Variants in ERBB4 observed in about 807,000 individuals in gnomAD.
ERBB4 encodes the protein receptor tyrosine-protein kinase erbB-4.
ERBB4 carries 42 observed loss-of-function variants against 158.0 expected under a neutral mutation model. The ratio of observed to expected loss-of-function variants is 0.27; its 90% confidence interval spans 0.21 to 0.34. The LOEUF (loss-of-function observed/expected upper bound fraction) is 0.34, where lower values mean the gene tolerates loss of function less well. Ranked by LOEUF, ERBB4 falls within the 10% of genes least tolerant of loss-of-function variation. ERBB4 has a pLI of 1.00. For synonymous variants in ERBB4, 583 were observed against 558.7 expected (o/e 1.04, Z -0.61); for missense variants, 1,333 against 1,624.1 (o/e 0.82, Z 3.08).
At chr2:211,967,285 T>C (rs2081334100) in intron 2 of ERBB4, among the ~76,000 whole-genome samples, 1 of 152,094 alleles carries the variant, frequency 6.6e-6, no homozygotes, top group Admixed American at 6.6e-5. Context: ...ACCAAAAATC[T>C]CTCTAAAACC....
At position 212,322,002 on chromosome 2, in the gene ERBB4, G is replaced by C. The variant is rs188998198; in HGVS notation, c.83-197099C>G. On this transcript the variant is annotated intron_variant, in intron 1 of 27. Coordinates refer to ENST00000342788, the MANE Select transcript of ERBB4 (RefSeq NM_005235.3). Reference sequence around the variant, plus strand: ...AATAGAGAATAATACGATTTTGTTGGTACAATGCAAGTTTATAGATTTCAC... The same window carrying C: ...AATAGAGAATAATACGATTTTGTTGCTACAATGCAAGTTTATAGATTTCAC... Among the ~76,000 whole-genome samples, 4 of 150,322 alleles carry C rather than the reference G, an allele frequency of 2.7e-5. No individual in the cohort carries two copies. The South Asian group carries it at 6.4e-4, about 24-fold the overall frequency.
At chr2:211,854,370 T>A (rs544350857) in intron 3 of ERBB4, among the ~76,000 whole-genome samples, 5 of 152,200 alleles carry the variant, frequency 3.3e-5, no homozygotes, top group South Asian at 4.1e-4. Context: ...ATCAGAAATA[T>A]GTTCATCAAT....
intron 1 of ERBB4, among the ~76,000 whole-genome samples, chr2:212,451,596 T>G (rs73989006): frequency 0.057 from 8,614 of 152,254 alleles, 540 homozygotes; most frequent in African/African-American, 0.15. Flanking sequence ...GTATTAAAAT[T>G]GACACACACC....
At chr2:211,419,436 G>T (rs2063465687) in intron 25 of ERBB4, among the ~76,000 whole-genome samples, 1 of 151,998 alleles carries the variant, frequency 6.6e-6, no homozygotes, top group Non-Finnish European at 1.5e-5. Context: ...TATGGCTATG[G>T]TCAAGAGAAA....
chr2:211,977,530 T>TAAAAAAAAAAAAAA (rs1394107563), intron 2 of ERBB4, among the ~76,000 whole-genome samples: 4 of 6,690 alleles, frequency 6.0e-4, no homozygotes, highest in South Asian at 5.3e-3. Flanking sequence ...GATATTGACT[T>TAAAAAAAAAAAAAA]TAAAAAAAAA....
intron 1 of ERBB4, among the ~76,000 whole-genome samples, chr2:212,149,177 A>C (rs993080422): frequency 4.6e-5 from 7 of 151,538 alleles, no homozygotes; most frequent in African/African-American, 1.7e-4. Context: ...ATTAAAAAAA[A>C]ATTTTAAAAA....
At chr2:212,337,737 T>A (rs1574714403) in intron 1 of ERBB4, among the ~76,000 whole-genome samples, 1 of 152,098 alleles carries the variant, frequency 6.6e-6, no homozygotes, top group South Asian at 2.1e-4. Flanking sequence ...AGTTTCAACA[T>A]CAATCCACTC....
chr2:212,206,522 G>A (rs950589932), intron 1 of ERBB4, among the ~76,000 whole-genome samples: 1 of 151,098 alleles, frequency 6.6e-6, no homozygotes, highest in Non-Finnish European at 1.5e-5. Flanking sequence ...TAAAAAACTA[G>A]GGATAGCTTA....
chr2:211,955,041 T>C (rs974799095), intron 2 of ERBB4, among the ~76,000 whole-genome samples: 2 of 151,986 alleles, frequency 1.3e-5, no homozygotes, highest in Admixed American at 6.6e-5. Flanking sequence ...CTCATTTAAT[T>C]AGATTTGAAA....
intron 1 of ERBB4, among the ~76,000 whole-genome samples, chr2:212,399,376 C>T (rs2106457933): frequency 6.6e-6 from 1 of 151,808 alleles, no homozygotes; most frequent in Admixed American, 6.6e-5. Flanking sequence ...TATTGTTCTA[C>T]AGTCCAACTG....
At chr2:211,621,176 T>G (rs987264468) in intron 18 of ERBB4, among the ~76,000 whole-genome samples, 7 of 152,000 alleles carry the variant, frequency 4.6e-5, no homozygotes, top group African/African-American at 1.7e-4. Context: ...TATTTTATAC[T>G]TCTTTTTAAA....
intron 1 of ERBB4, among the ~76,000 whole-genome samples, chr2:212,130,532 C>T (rs868163724): frequency 1.3e-5 from 2 of 151,976 alleles, no homozygotes; most frequent in Admixed American, 6.6e-5. Flanking sequence ...ATAATGAAAC[C>T]TTAACAATAT....
intron 1 of ERBB4, among the ~76,000 whole-genome samples, chr2:212,310,046 C>T (rs1001868890): frequency 6.6e-6 from 1 of 150,450 alleles, no homozygotes; most frequent in African/African-American, 2.4e-5. Flanking sequence ...GAAATAGATG[C>T]ATTTTTCTAA....
chr2:211,701,159 T>C (rs1300673130), intron 12 of ERBB4, among the ~76,000 whole-genome samples: 2 of 152,190 alleles, frequency 1.3e-5, no homozygotes, highest in Non-Finnish European at 2.9e-5. Flanking sequence ...CATGTCTACA[T>C]AAATGCATTA....
At chr2:211,575,088 G>A (rs925426035) in intron 19 of ERBB4, among the ~76,000 whole-genome samples, 37 of 152,294 alleles carry the variant, frequency 2.4e-4, no homozygotes, top group African/African-American at 8.9e-4. Context: ...AAGTAGCCAA[G>A]CTGAGATTTG....
chr2:211,859,472 T>C (rs1418679193), intron 3 of ERBB4, among the ~76,000 whole-genome samples: 3 of 152,192 alleles, frequency 2.0e-5, no homozygotes, highest in Admixed American at 2.0e-4. Flanking sequence ...TTTTATAAGC[T>C]TAGATAGTAA....
chr2:211,643,124 C>T lies in ERBB4; in HGVS notation c.1947-12530G>A, dbSNP rs1052539462. On this transcript the variant is annotated intron_variant, in intron 16 of 27. Coordinates refer to ENST00000342788, the MANE Select transcript of ERBB4 (RefSeq NM_005235.3). Reference sequence around the variant, plus strand: ...TTCCTACTCCATTACCCCTAACACACTAGTGATTTTTAAAACGTTAAGTAA... The same window carrying T: ...TTCCTACTCCATTACCCCTAACACATTAGTGATTTTTAAAACGTTAAGTAA... 4.6e-5 allele frequency among the ~76,000 whole-genome samples: 7 copies of T among 152,120 alleles called. 1 individual carries two copies. The highest frequency in any genetic ancestry group is 1.7e-4 in the African/African-American group (7 of 41,444).
At chr2:211,946,312 T>C (rs1257472166) in intron 3 of ERBB4, among the ~76,000 whole-genome samples, 6 of 152,030 alleles carry the variant, frequency 3.9e-5, no homozygotes, top group Non-Finnish European at 7.4e-5. Flanking sequence ...ACTAGAAATT[T>C]AATATCCACT....
intron 2 of ERBB4, among the ~76,000 whole-genome samples, chr2:212,039,512 A>T (rs1427663123): frequency 6.6e-6 from 1 of 152,168 alleles, no homozygotes; most frequent in Non-Finnish European, 1.5e-5. Context: ...AGAAAGTCAC[A>T]ACATAATTTC....
Sources: gnomAD v4.1 joint callset for allele counts (sites outside exome capture counted in the v4.1 genomes callset) on GRCh38, gnomAD v4.1.1 for gene constraint, MANE v1.5 for transcripts, NCBI Gene and HGNC (gene_info 2026-07-23, HGNC 2026-07-21) for gene names.